PREX1: variants seen among roughly 807,000 people sequenced by gnomAD.
The protein encoded by PREX1 is phosphatidylinositol-3,4,5-trisphosphate dependent Rac exchange factor 1, also known as phosphatidylinositol 3,4,5-trisphosphate-dependent Rac exchanger 1 protein.
PREX1 carries 41 observed loss-of-function variants against 198.3 expected under a neutral mutation model. That is an observed-to-expected ratio of 0.21 (90% confidence interval 0.16 to 0.27). The LOEUF (loss-of-function observed/expected upper bound fraction) is 0.27. Among genes scored for constraint, PREX1 ranks in the 10% least tolerant of loss-of-function variants. PREX1 has a pLI of 1.00. For synonymous variants in PREX1, 843 were observed against 887.2 expected (o/e 0.95, Z 0.89); for missense variants, 1,620 against 2,200.7 (o/e 0.74, Z 5.28).
At chr20:48,679,517 A>G in intron 12 of PREX1, 108 bp from the exon 13 acceptor site, 1 of 1,401,206 alleles carries the variant, frequency 7.1e-7, no homozygotes, top group South Asian at 1.2e-5. Context: ...GGGCAGGGTA[A>G]TGGGGGCAGG....
chr20:48,801,737 G>A (rs1375947724), intron 1 of PREX1, among the ~76,000 whole-genome samples: 1 of 152,214 alleles, frequency 6.6e-6, no homozygotes, highest in Non-Finnish European at 1.5e-5. Context: ...CAAAACTCAT[G>A]TTGAAATCTG....
chr20:48,666,241 G>A lies in PREX1; in HGVS notation c.1738+42C>T. ...ACTCCCCCAAACCATCAGCTCCAGGGAGCAAGGTCCCGGGGGCTGGGCTGC... is the reference window on the plus strand; with the variant it reads ...ACTCCCCCAAACCATCAGCTCCAGGAAGCAAGGTCCCGGGGGCTGGGCTGC... On this transcript the variant is annotated intron_variant, in intron 15 of 39. Coordinates refer to ENST00000371941, the MANE Select transcript of PREX1 (RefSeq NM_020820.4). This position sits in a 1 kb window ranked among gnomAD's most constrained non-coding sequence, Gnocchi z 4.3. The A allele has an allele frequency of 2.0e-6, 3 of 1,519,110 alleles. No individual in the cohort carries two copies. Among genetic ancestry groups the A allele is most frequent in the Non-Finnish European group, 1.8e-6 (2 of 1,122,012 alleles). 94.1% of individuals were successfully genotyped at this position (1,519,110 alleles called of 1,614,324 possible).
At chr20:48,790,789 G>A (rs944805270) in intron 1 of PREX1, among the ~76,000 whole-genome samples, 16 of 152,110 alleles carry the variant, frequency 1.1e-4, no homozygotes, top group Non-Finnish European at 2.2e-4. Flanking sequence ...CACAGCCACA[G>A]CCACAAGCTG....
At chr20:48,847,787 G>A in the PREX1 span, among the ~76,000 whole-genome samples, 14,133 of 152,010 alleles carry the variant, frequency 0.093, 825 homozygotes, top group Middle Eastern at 0.16. Context: ...AATTTCCCCC[G>A]GGTCCCCTTC....
intron 1 of PREX1, among the ~76,000 whole-genome samples, chr20:48,799,390 C>A (rs1316332062): frequency 2.0e-5 from 3 of 152,090 alleles, no homozygotes; most frequent in Admixed American, 1.3e-4. Context: ...GGAAAACGTT[C>A]GAAACATCCC....
At chr20:48,858,877 T>C in the PREX1 span, among the ~76,000 whole-genome samples, 1 of 152,104 alleles carries the variant, frequency 6.6e-6, no homozygotes, top group Non-Finnish European at 1.5e-5. Context: ...CGTACTTTAT[T>C]TTATTTTTAT....
At chr20:48,808,571 G>A (rs1312016604) in intron 1 of PREX1, among the ~76,000 whole-genome samples, 1 of 152,150 alleles carries the variant, frequency 6.6e-6, no homozygotes, top group Non-Finnish European at 1.5e-5. Context: ...AGTAGCCAGA[G>A]GGATCCTGCG....
chr20:48,644,367 G>T, intron 27 of PREX1, 42 bp downstream of exon 27: 1 of 1,488,986 alleles, frequency 6.7e-7, no homozygotes. Flanking sequence ...TCATGGGGAG[G>T]AGCCTCTCTC....
chr20:48,706,580 C>T (rs983498268), intron 6 of PREX1, among the ~76,000 whole-genome samples: 2 of 152,174 alleles, frequency 1.3e-5, no homozygotes, highest in South Asian at 4.1e-4. Context: ...ACTACCCTGG[C>T]CATGCCCCTG....
chr20:48,754,981 A>G (rs192287769), intron 1 of PREX1, among the ~76,000 whole-genome samples: 2 of 152,212 alleles, frequency 1.3e-5, no homozygotes, highest in Admixed American at 1.3e-4. Context: ...CCATCCATCC[A>G]AGTTCTGGGT....
intron 27 of PREX1, among the ~76,000 whole-genome samples, chr20:48,643,742 G>C (rs1356838006): frequency 1.3e-5 from 2 of 151,962 alleles, no homozygotes; most frequent in African/African-American, 4.8e-5. Flanking sequence ...GGCATGATCT[G>C]AGTCCACTGC....
intron 31 of PREX1, among the ~76,000 whole-genome samples, chr20:48,637,130 T>TC: frequency 6.6e-6 from 1 of 152,156 alleles, no homozygotes; most frequent in Non-Finnish European, 1.5e-5. Flanking sequence ...CTTTCTTCCT[T>TC]CCCCCACCTC....
intron 7 of PREX1, among the ~76,000 whole-genome samples, chr20:48,693,665 G>C (rs1485735599): frequency 6.6e-6 from 1 of 152,140 alleles, no homozygotes; most frequent in Non-Finnish European, 1.5e-5. Flanking sequence ...GGAGTGCAGT[G>C]GCATGATCTC....
intron 1 of PREX1, among the ~76,000 whole-genome samples, chr20:48,749,282 C>A (rs550483793): frequency 6.6e-6 from 1 of 152,246 alleles, no homozygotes; most frequent in Non-Finnish European, 1.5e-5. Context: ...CACAGGGCCA[C>A]GGGGAGCTGT....
chr20:48,828,771 T>G (rs937278372), upstream of PREX1, among the ~76,000 whole-genome samples: 2 of 152,250 alleles, frequency 1.3e-5, no homozygotes, highest in African/African-American at 4.8e-5. Context: ...TTACCTGCTC[T>G]TGAGTTATTG....
At chr20:48,864,046 C>A in the PREX1 span, among the ~76,000 whole-genome samples, 44 of 152,262 alleles carry the variant, frequency 2.9e-4, no homozygotes, top group African/African-American at 9.9e-4. Context: ...ATTGCTTCCA[C>A]GTTTTGGCAA....
intron 1 of PREX1, among the ~76,000 whole-genome samples, chr20:48,749,159 G>A (rs1335513773): frequency 1.3e-5 from 2 of 152,174 alleles, no homozygotes; most frequent in African/African-American, 4.8e-5. Context: ...AGCACCCACA[G>A]CCACCTCCGC....
At chr20:48,723,386 G>C (rs954677952) in intron 5 of PREX1, among the ~76,000 whole-genome samples, 5 of 152,210 alleles carry the variant, frequency 3.3e-5, no homozygotes, top group African/African-American at 9.6e-5. Context: ...CCGGAGGTGG[G>C]GGGGACAGAA....
In PREX1 at chr20:48,642,461, G is replaced by A. The variant is rs2122865782; in HGVS notation, c.3630C>T (p.Ile1210=). ...GAAGCTTGTCCTGCTTGTCAGATGGGATCCGCATGTCACAGGGCAGCTCAT... is the reference window on the plus strand; with the variant it reads ...GAAGCTTGTCCTGCTTGTCAGATGGAATCCGCATGTCACAGGGCAGCTCAT... ...SGDELPCDMR[I]PSDKQDKLHG... is the part of the protein sequence containing the mutation. The change falls in exon 28 of 40, where the codon ATC becomes ATT. Residue 1210 remains isoleucine (I), a synonymous_variant. Coordinates refer to ENST00000371941, the MANE Select transcript of PREX1 (RefSeq NM_020820.4). 1 of 1,613,628 alleles carries A rather than the reference G, an allele frequency of 6.2e-7. No individual in the cohort carries two copies.
Sources: gnomAD v4.1 joint callset for allele counts (sites outside exome capture counted in the v4.1 genomes callset) on GRCh38, gnomAD v4.1.1 for gene constraint, Gnocchi (gnomAD v3.1) non-coding constraint, MANE v1.5 for transcripts, NCBI Gene and HGNC (gene_info 2026-07-23, HGNC 2026-07-21) for gene names.